The following THRB variants were observed in gnomAD, a reference collection of about 807,000 sequenced individuals.
THRB encodes the protein nuclear receptor subfamily 1 group A member 2.
A neutral mutation model predicts 47.8 loss-of-function variants in THRB; 12 were observed. That is an observed-to-expected ratio of 0.25 (90% CI 0.16 to 0.41). THRB has a LOEUF of 0.41. Among genes scored for constraint, THRB ranks in the 10% least tolerant of loss-of-function variants. The pLI is 1.00. For missense variants in THRB, 348 were observed against 589.2 expected (o/e 0.59, Z 4.24); for synonymous variants, 218 against 212.2 (o/e 1.03, Z -0.24).
At chr3:24,455,820 A>C (rs1202518946) in intron 1 of THRB, among the ~76,000 whole-genome samples, 2 of 152,194 alleles carry the variant, frequency 1.3e-5, no homozygotes, top group East Asian at 3.9e-4. Flanking sequence ...CTGGCTGATG[A>C]CAAGAAATGC....
chr3:24,349,425 T>G (rs1359402664), intron 1 of THRB, among the ~76,000 whole-genome samples: 1 of 152,048 alleles, frequency 6.6e-6, no homozygotes, highest in African/African-American at 2.4e-5. Context: ...GAGAAGAATA[T>G]TAGAGGACTT....
intron 5 of THRB, among the ~76,000 whole-genome samples, chr3:24,176,173 T>TATAA (rs1313571615): frequency 1.3e-5 from 2 of 152,186 alleles, no homozygotes; most frequent in African/African-American, 4.8e-5. Flanking sequence ...ATTTTGTTTT[T>TATAA]ATAAATATCA....
intron 1 of THRB, among the ~76,000 whole-genome samples, chr3:24,353,733 T>C (rs752919753): frequency 3.3e-5 from 5 of 152,144 alleles, no homozygotes; most frequent in African/African-American, 9.6e-5. Flanking sequence ...AAAACTCCTA[T>C]AAAACTTTGT....
At chr3:24,436,596 A>C (rs2070981071) in intron 1 of THRB, among the ~76,000 whole-genome samples, 1 of 152,144 alleles carries the variant, frequency 6.6e-6, no homozygotes, top group African/African-American at 2.4e-5. Context: ...TCTGAGCCTG[A>C]CCGTCGAAAA....
intron 1 of THRB, among the ~76,000 whole-genome samples, chr3:24,471,216 C>T (rs1336167756): frequency 2.0e-5 from 3 of 152,148 alleles, no homozygotes; most frequent in South Asian, 2.1e-4. Flanking sequence ...GCATCAGCAT[C>T]GTCTGGGAAA....
intron 1 of THRB, among the ~76,000 whole-genome samples, chr3:24,390,075 T>C (rs9816509): frequency 0.47 from 72,147 of 151,924 alleles, 17,338 homozygotes; most frequent in Admixed American, 0.51. Flanking sequence ...TTAGACCATG[T>C]GCTCTTGGTA....
In THRB at chr3:24,438,543, GC is replaced by G. The variant is rs779713886; in HGVS notation, c.-261+56108del. 2.0e-4 allele frequency among the ~76,000 whole-genome samples: 30 copies of G among 150,938 alleles called. No homozygotes were observed. The Middle Eastern group carries it at 0.017, about 86-fold the overall frequency. On this transcript the variant is annotated intron_variant, in intron 1 of 10. Transcript: ENST00000646209. ...TGTGTGTGTGTGTGTGTGTGCACAT[GC>G]ATTCTTTCTTTAAAGAATAAAATGG...
At chr3:24,292,021 T>A (rs2055973257) in intron 3 of THRB, among the ~76,000 whole-genome samples, 1 of 152,114 alleles carries the variant, frequency 6.6e-6, no homozygotes, top group Non-Finnish European at 1.5e-5. Flanking sequence ...ATCTAATCAT[T>A]CAATGGACTA....
At chr3:24,160,779 T>C (rs1271529812) in intron 5 of THRB, among the ~76,000 whole-genome samples, 1 of 152,164 alleles carries the variant, frequency 6.6e-6, no homozygotes, top group Non-Finnish European at 1.5e-5. Context: ...GAAAAAAGTG[T>C]TGTGCTTGAC....
At chr3:24,186,004 C>G (rs1343197996) in intron 5 of THRB, among the ~76,000 whole-genome samples, 1 of 152,170 alleles carries the variant, frequency 6.6e-6, no homozygotes, top group African/African-American at 2.4e-5. Context: ...GGCCCAAAGA[C>G]AGGCCCAACC....
intron 1 of THRB, among the ~76,000 whole-genome samples, chr3:24,476,845 A>G (rs530899444): frequency 6.6e-6 from 1 of 152,322 alleles, no homozygotes; most frequent in Admixed American, 6.5e-5. Flanking sequence ...AGACAATTTT[A>G]ACGTTCCTAT....
intron 3 of THRB, among the ~76,000 whole-genome samples, chr3:24,235,777 C>T (rs980403552): frequency 4.6e-5 from 7 of 152,208 alleles, no homozygotes; most frequent in Admixed American, 2.0e-4. Context: ...ATTGAGCAAA[C>T]GTGACTAGAT....
chr3:24,397,504 A>G (rs915949122), intron 1 of THRB, among the ~76,000 whole-genome samples: 15 of 151,830 alleles, frequency 9.9e-5, no homozygotes, highest in African/African-American at 3.6e-4. Flanking sequence ...AAGAAGCCAT[A>G]TGTTCCTTGC....
At position 24,357,852 on chromosome 3, in the gene THRB, C is replaced by T. The variant is rs192643793; in HGVS notation, c.-260-20481G>A. On this transcript the variant is annotated intron_variant, in intron 1 of 10. Coordinates refer to ENST00000646209, the MANE Select transcript of THRB (RefSeq NM_001354712.2). ...CAATGTGCGTCTTTTCATACACTTC[C>T]GTCATTTTGTTTTTCTGAAAACTTT... is the stretch of plus-strand genomic sequence containing the variant. Among the ~76,000 whole-genome samples, 120 of 152,208 alleles carry T rather than the reference C, an allele frequency of 7.9e-4. 1 individual carries two copies. Among genetic ancestry groups the T allele is most frequent in the South Asian group, 2.1e-4 (1 of 4,822 alleles).
chr3:24,367,740 C>A (rs559330171), intron 1 of THRB, among the ~76,000 whole-genome samples: 1 of 152,178 alleles, frequency 6.6e-6, no homozygotes, highest in Non-Finnish European at 1.5e-5. Context: ...CTTCTCACAG[C>A]AATACAAGTA....
At chr3:24,447,286 A>C (rs2125479905) in intron 1 of THRB, among the ~76,000 whole-genome samples, 1 of 152,290 alleles carries the variant, frequency 6.6e-6, no homozygotes, top group South Asian at 2.1e-4. Flanking sequence ...AACAACCCTT[A>C]AGTATGATTG....
At chr3:24,396,577 C>T (rs1295130476) in intron 1 of THRB, among the ~76,000 whole-genome samples, 2 of 152,082 alleles carry the variant, frequency 1.3e-5, no homozygotes, top group East Asian at 3.9e-4. Context: ...GAAGACACTG[C>T]ACCTCCTTTC....
intron 4 of THRB, among the ~76,000 whole-genome samples, chr3:24,205,361 C>T (rs1374905074): frequency 2.0e-5 from 3 of 152,100 alleles, no homozygotes; most frequent in Admixed American, 6.6e-5. Flanking sequence ...TTCTTAAAGA[C>T]AAGACTTTTC....
chr3:24,307,924 G>C (rs1473055827), intron 2 of THRB, among the ~76,000 whole-genome samples: 1 of 152,132 alleles, frequency 6.6e-6, no homozygotes, highest in Non-Finnish European at 1.5e-5. Context: ...GTCAAGTTAA[G>C]ACTATGAGTC....
Sources: allele counts gnomAD v4.1 joint callset (sites outside exome capture counted in the v4.1 genomes callset), GRCh38; gene constraint gnomAD v4.1.1; transcripts MANE v1.5; gene names NCBI Gene and HGNC (gene_info 2026-07-23, HGNC 2026-07-21).